Variants in PDE7B observed in about 807,000 individuals in gnomAD.
PDE7B encodes phosphodiesterase 7B.
PDE7B carries 29 observed loss-of-function variants against 56.2 expected under a neutral mutation model. That is an observed-to-expected ratio of 0.52 (90% CI 0.38 to 0.70). The LOEUF (loss-of-function observed/expected upper bound fraction) is 0.70. Ranked by LOEUF, PDE7B falls within the 30% of genes least tolerant of loss-of-function variation. The pLI is 0.00. For missense variants in PDE7B, 490 were observed against 565.0 expected, an observed-to-expected ratio of 0.87 and a Z score of 1.35; for synonymous variants, 197 against 196.9, an observed-to-expected ratio of 1.00 and a Z score of 0.00.
intron 5 of PDE7B, 74 bp downstream of exon 5, chr6:136,149,224 A>G (rs1350462910): frequency 1.0e-5 from 10 of 975,332 alleles, no homozygotes; most frequent in Non-Finnish European, 1.7e-5. Context: ...AACAAAATTT[A>G]TTTTTAAACA....
chr6:136,020,486 A>G (rs886888777), intron 2 of PDE7B, among the ~76,000 whole-genome samples: 4 of 152,204 alleles, frequency 2.6e-5, no homozygotes, highest in African/African-American at 9.7e-5. Flanking sequence ...CTTTAAATAT[A>G]TTGAAAAATA....
intron 3 of PDE7B, among the ~76,000 whole-genome samples, chr6:136,141,083 TATG>T (rs1300532638): frequency 8.5e-5 from 13 of 152,216 alleles, no homozygotes; most frequent in African/African-American, 2.4e-4. Flanking sequence ...GCCCATTCAG[TATG>T]ATATTAGCTG....
chr6:136,007,384 C>G (rs1775807360), intron 2 of PDE7B, among the ~76,000 whole-genome samples: 1 of 151,828 alleles, frequency 6.6e-6, no homozygotes, highest in African/African-American at 2.4e-5. Flanking sequence ...TTTGTTGTGC[C>G]TTTGTCAGGT....
chr6:136,119,368 A>G (rs1777891082), intron 3 of PDE7B, among the ~76,000 whole-genome samples: 5 of 152,142 alleles, frequency 3.3e-5, no homozygotes, highest in African/African-American at 1.2e-4. Context: ...TATTCCTTTT[A>G]TAATCAGAAA....
intron 2 of PDE7B, among the ~76,000 whole-genome samples, chr6:135,967,171 G>C (rs912045754): frequency 6.6e-6 from 1 of 152,124 alleles, no homozygotes; most frequent in African/African-American, 2.4e-5. Flanking sequence ...AGATTCAATT[G>C]ACAGTCTGGA....
intron 8 of PDE7B, chr6:136,156,222 C>G: frequency 3.3e-6 from 1 of 307,534 alleles, no homozygotes; most frequent in Non-Finnish European, 6.3e-6. Context: ...CAGGGTCTTG[C>G]TTTCTCACCC....
chr6:136,160,527 C>T (rs1778687146), intron 8 of PDE7B, among the ~76,000 whole-genome samples: 1 of 152,134 alleles, frequency 6.6e-6, no homozygotes, highest in African/African-American at 2.4e-5. Context: ...TTGCCTCTCC[C>T]CTAGGTTCAG....
chr6:135,854,100 C>T (rs550609756), intron 1 of PDE7B, among the ~76,000 whole-genome samples: 2 of 152,226 alleles, frequency 1.3e-5, no homozygotes, highest in African/African-American at 4.8e-5. Context: ...AGTAAAATGA[C>T]CAAGTTTCCT....
At chr6:136,157,392 A>G (rs1030846189) in intron 8 of PDE7B, among the ~76,000 whole-genome samples, 2 of 152,176 alleles carry the variant, frequency 1.3e-5, no homozygotes, top group Non-Finnish European at 2.9e-5. Context: ...AGCCTGGCCA[A>G]CACGGTGAAA....
At chr6:136,142,154 G>A (rs1338350871) in intron 3 of PDE7B, among the ~76,000 whole-genome samples, 1 of 152,084 alleles carries the variant, frequency 6.6e-6, no homozygotes, top group Non-Finnish European at 1.5e-5. Flanking sequence ...GGTATGTTGT[G>A]TCTTTGTTCT....
intron 2 of PDE7B, among the ~76,000 whole-genome samples, chr6:135,990,140 G>A (rs1239498403): frequency 6.1e-5 from 9 of 148,058 alleles, no homozygotes; most frequent in Non-Finnish European, 1.2e-4. Context: ...CTATCGCCCA[G>A]GCTGGAGTGC....
intron 5 of PDE7B, 63 bp downstream of exon 5, chr6:136,149,213 A>G: frequency 2.7e-6 from 3 of 1,124,964 alleles, no homozygotes. Context: ...ATTTCATGAA[A>G]AACAAAATTT....
intron 2 of PDE7B, among the ~76,000 whole-genome samples, chr6:136,010,072 G>T (rs1372319231): frequency 6.6e-6 from 1 of 152,120 alleles, no homozygotes; most frequent in East Asian, 1.9e-4. Context: ...ACTTTTCTAT[G>T]TGGGCATTTA....
intron 3 of PDE7B, among the ~76,000 whole-genome samples, chr6:136,135,353 T>C (rs1379059149): frequency 6.6e-6 from 1 of 152,084 alleles, no homozygotes; most frequent in African/African-American, 2.4e-5. Context: ...GTTGTATGTG[T>C]TTTTGTTTTC....
At chr6:135,941,190 CA>C (rs1774500536) in intron 1 of PDE7B, among the ~76,000 whole-genome samples, 1 of 152,196 alleles carries the variant, frequency 6.6e-6, no homozygotes, top group Non-Finnish European at 1.5e-5. Context: ...CACTAAACTT[CA>C]AAAACTTCCC....
chr6:136,085,749 A>G (rs1021318585), intron 2 of PDE7B, among the ~76,000 whole-genome samples: 1 of 152,244 alleles, frequency 6.6e-6, no homozygotes, highest in African/African-American at 2.4e-5. Context: ...TGTCCAGGAC[A>G]GCTCCACTTC....
Position 136,139,026 on chromosome 6 carries a change from T to A in PDE7B, c.167-8325T>A, listed in dbSNP as rs184366090. On this transcript the variant is annotated intron_variant, in intron 3 of 12. Coordinates refer to ENST00000308191, the MANE Select transcript of PDE7B (RefSeq NM_018945.4). ...GGTACATGTGCACGATGTGCAGGTT[T>A]GTTACATATGTATACATGTGCCATG... Among the ~76,000 whole-genome samples the A allele has an allele frequency of 1.8e-4, 28 of 151,920 alleles. No homozygotes were observed. The East Asian group carries it at 4.6e-3, about 25-fold the overall frequency.
intron 2 of PDE7B, among the ~76,000 whole-genome samples, chr6:136,088,665 T>G (rs1164424864): frequency 6.6e-6 from 1 of 152,128 alleles, no homozygotes; most frequent in Non-Finnish European, 1.5e-5. Flanking sequence ...GGCTTAGGAC[T>G]AAGGACAGTA....
intron 1 of PDE7B, among the ~76,000 whole-genome samples, chr6:135,897,293 T>A (rs1775919478): frequency 6.6e-6 from 1 of 151,864 alleles, no homozygotes; most frequent in African/African-American, 2.4e-5. Context: ...TGTGTGGGTA[T>A]GTGTGTAGGC....
Sources: gnomAD v4.1 joint callset for allele counts (sites outside exome capture counted in the v4.1 genomes callset) on GRCh38, gnomAD v4.1.1 for gene constraint, MANE v1.5 for transcripts, NCBI Gene and HGNC (gene_info 2026-07-23, HGNC 2026-07-21) for gene names.